Variants in PLEKHS1 observed in about 807,000 individuals in gnomAD.
PLEKHS1 encodes the protein pleckstrin homology domain containing S1, also known as pleckstrin homology domain-containing family S member 1.
Under a neutral mutation model 51.0 loss-of-function variants are expected in PLEKHS1, and 55 were observed. The observed-to-expected ratio is 1.08, with a 90% CI of 0.87 to 1.35. The LOEUF is 1.35. PLEKHS1 is among the 40% of genes most tolerant of loss of function. The pLI, the probability that PLEKHS1 is intolerant of heterozygous loss-of-function variation, is 0.00. For synonymous variants in PLEKHS1, 153 were observed against 144.8 expected, an observed-to-expected ratio of 1.06 and a Z score of -0.41; for missense variants, 398 against 423.0, an observed-to-expected ratio of 0.94 and a Z score of 0.52.
At chr10:113,779,705 T>C (rs1011305715) in intron 11 of PLEKHS1, among the ~76,000 whole-genome samples, 6 of 152,216 alleles carry the variant, frequency 3.9e-5, no homozygotes, top group Non-Finnish European at 8.8e-5. Context: ...AAAGGGTTTT[T>C]GCCTGTGAGC....
chr10:113,767,362 T>C lies in PLEKHS1; in HGVS notation c.242T>C (p.Val81Ala), dbSNP rs749597479. 1.4e-5 allele frequency: 23 copies of C among 1,607,918 alleles called. No individual in the cohort carries two copies. The highest frequency in any genetic ancestry group is 2.2e-5 in the South Asian group (2 of 90,170). ...TCTAATAGAAATTCCAGTGTAGAAG[T>C]TGGCATAAGTAGCCAGGAAAAGATG... Residue 81 changes from valine (V) to alanine (A), a missense_variant, in exon 5 of 12, where the codon GTT becomes GCT. Val to Ala is a moderately conservative substitution (Grantham distance 64). Coordinates refer to ENST00000361048, the Ensembl canonical transcript of PLEKHS1.
intron 8 of PLEKHS1, 40 bp downstream of exon 8, chr10:113,772,129 A>C: frequency 6.2e-7 from 1 of 1,606,888 alleles, no homozygotes; most frequent in Non-Finnish European, 8.5e-7. Flanking sequence ...TTTCTTTAAC[A>C]AATATTTACT....
chr10:113,774,741 T>C (rs1373012145), intron 9 of PLEKHS1, 85 bp from the exon 10 acceptor site: 18 of 1,236,420 alleles, frequency 1.5e-5, no homozygotes, highest in Middle Eastern at 2.5e-4. Context: ...CACATGGCTG[T>C]TAGCTACTTA....
intron 2 of PLEKHS1, among the ~76,000 whole-genome samples, chr10:113,763,377 T>C (rs1173963008): frequency 6.6e-6 from 1 of 152,176 alleles, no homozygotes; most frequent in Non-Finnish European, 1.5e-5. Context: ...GAGTCTTGCT[T>C]TTTTATCCAA....
chr10:113,774,870 A>G (rs756823290), exon 10 of PLEKHS1: 2 of 1,614,042 alleles, frequency 1.2e-6, no homozygotes, highest in African/African-American at 2.7e-5. Flanking sequence ...AGCAGCAAAG[A>G]GGAACCCCAG....
At chr10:113,766,495 C>G in exon 3 of PLEKHS1, 1 of 1,601,274 alleles carries the variant, frequency 6.2e-7, no homozygotes, top group Non-Finnish European at 8.6e-7. Flanking sequence ...CTGTTCTCCT[C>G]TGTGGTAAGT....
intron 11 of PLEKHS1, among the ~76,000 whole-genome samples, chr10:113,779,355 G>T: frequency 6.6e-6 from 1 of 152,150 alleles, no homozygotes; most frequent in African/African-American, 2.4e-5. Flanking sequence ...CAGATCATGA[G>T]GTCAGGAATT....
Position 113,777,243 on chromosome 10 carries a change from G to A in PLEKHS1, c.1091+1377G>A, listed in dbSNP as rs754072646. ...GAGGAGGTCTCCCTGTTTCTTACCC[G>A]GTCCATCCAGAAGGAGGTGAGTCGT... On this transcript the variant is annotated intron_variant, in intron 11 of 11. Coordinates refer to ENST00000361048, the Ensembl canonical transcript of PLEKHS1. The A allele has an allele frequency of 1.1e-5, 18 of 1,612,640 alleles. No homozygotes were observed. The highest frequency in any genetic ancestry group is 3.3e-5 in the Admixed American group (2 of 59,992).
At chr10:113,780,754 G>C in exon 12 of PLEKHS1, 1 of 1,572,022 alleles carries the variant, frequency 6.4e-7, no homozygotes, top group African/African-American at 1.3e-5. Context: ...CCATTAAAAA[G>C]AGCCAGCAGA....
chr10:113,762,365 C>CTTTTTTTTTTTTTTTTTTTTTTTGTTTT (rs34457408), intron 2 of PLEKHS1, among the ~76,000 whole-genome samples: 1 of 61,770 alleles, frequency 1.6e-5, no homozygotes, highest in Non-Finnish European at 3.0e-5. Context: ...AGATTTGTTC[C>CTTTTTTTTTTTTTTTTTTTTTTTGTTTT]TTTTTTTTTT....
At chr10:113,759,123 G>T (rs1162506776) in intron 2 of PLEKHS1, among the ~76,000 whole-genome samples, 3 of 152,210 alleles carry the variant, frequency 2.0e-5, no homozygotes, top group Non-Finnish European at 4.4e-5. Flanking sequence ...GGTAAATGTG[G>T]CCGGGTGCGG....
chr10:113,752,530 G>A (rs1314304684), intron 1 of PLEKHS1, among the ~76,000 whole-genome samples: 1 of 152,126 alleles, frequency 6.6e-6, no homozygotes, highest in Non-Finnish European at 1.5e-5. Context: ...CATCAACAGG[G>A]TATCTCAAGT....
At chr10:113,771,674 C>CAG (rs1844413596) in intron 7 of PLEKHS1, among the ~76,000 whole-genome samples, 1 of 74,612 alleles carries the variant, frequency 1.3e-5, no homozygotes, top group Non-Finnish European at 2.6e-5. Context: ...GACTCTGTCT[C>CAG]AAAAAAAAAA....
intron 8 of PLEKHS1, 128 bp downstream of exon 8, chr10:113,772,217 C>T (rs751037271): frequency 3.8e-5 from 37 of 985,664 alleles, no homozygotes; most frequent in Non-Finnish European, 5.0e-5. Flanking sequence ...ATACAGATGA[C>T]GTGCTCATGG....
chr10:113,774,186 C>T (rs1395154315), intron 8 of PLEKHS1, 41 bp from the exon 9 acceptor site: 7 of 1,254,224 alleles, frequency 5.6e-6, no homozygotes, highest in East Asian at 4.7e-5. Context: ...CCTGACTTAT[C>T]GGTAAACTGG....
intron 5 of PLEKHS1, among the ~76,000 whole-genome samples, chr10:113,768,089 G>A (rs748572412): frequency 7.2e-5 from 11 of 151,994 alleles, no homozygotes; most frequent in Non-Finnish European, 1.3e-4. Flanking sequence ...CATTTCAACC[G>A]ATAACAGTCA....
intron 9 of PLEKHS1, 53 bp from the exon 10 acceptor site, chr10:113,774,773 C>A (rs1282178411): frequency 9.9e-6 from 15 of 1,514,820 alleles, no homozygotes; most frequent in Non-Finnish European, 1.1e-5. Flanking sequence ...CACAGGGGAA[C>A]ACTGTAAAAA....
intron 7 of PLEKHS1, among the ~76,000 whole-genome samples, chr10:113,770,945 C>A (rs894349223): frequency 6.6e-6 from 1 of 152,162 alleles, no homozygotes; most frequent in Admixed American, 6.5e-5. Flanking sequence ...CAGCATGATC[C>A]GGCTCCATGA....
At chr10:113,770,039 T>G (rs1277569326) in intron 7 of PLEKHS1, 139 bp downstream of exon 7, 1 of 704,994 alleles carries the variant, frequency 1.4e-6, no homozygotes, top group East Asian at 2.5e-5. Flanking sequence ...TTCTTAGCCC[T>G]GATGTTTATC....
Sources: allele counts gnomAD v4.1 joint callset (sites outside exome capture counted in the v4.1 genomes callset), GRCh38; gene constraint gnomAD v4.1.1; transcripts MANE v1.5; gene names NCBI Gene and HGNC (gene_info 2026-07-23, HGNC 2026-07-21).